The following PLEKHG4 variants were observed in gnomAD, a reference collection of about 807,000 sequenced individuals.
PLEKHG4 encodes the protein puratrophin-1.
Under a neutral mutation model 136.9 loss-of-function variants are expected in PLEKHG4, and 85 were observed. That is an observed-to-expected ratio of 0.62 (90% CI 0.52 to 0.74). The LOEUF is 0.74. PLEKHG4 is among the 30% of genes least tolerant of loss of function. The probability of loss-of-function intolerance (pLI) is 0.00; values close to 1 mark genes in which losing one functional copy is unlikely to be tolerated. For synonymous variants in PLEKHG4, 577 were observed against 646.9 expected (o/e 0.89, Z 1.64); for missense variants, 1,317 against 1,527.8 (o/e 0.86, Z 2.30).
intron 5 of PLEKHG4, 70 bp from the exon 6 acceptor site, chr16:67,281,497 A>G (rs2036223693): frequency 2.9e-6 from 4 of 1,359,632 alleles, no homozygotes; most frequent in African/African-American, 2.9e-5. Flanking sequence ...GAGTGCCGCA[A>G]TTACAGGCGT....
In PLEKHG4 at chr16:67,280,622, T is replaced by C. The variant is rs762181049; in HGVS notation, c.499+79T>C. The C allele has an allele frequency of 6.2e-7, 1 of 1,611,682 alleles. No individual in the cohort carries two copies. The highest frequency in any genetic ancestry group is 8.5e-7 in the Non-Finnish European group (1 of 1,178,266). On this transcript the variant is annotated intron_variant, in intron 2 of 21. Coordinates refer to ENST00000379344, the MANE Select transcript of PLEKHG4 (RefSeq NM_001129729.3). The surrounding 1 kb of genome is among the most constrained non-coding windows in gnomAD (Gnocchi z 4.4). ...GATGAGTGTCAAGACTTTGGAGGTC[T>C]CTGACCCTACTCAGGCTGAAGCCCG...
chr16:67,287,758 T>C, intron 18 of PLEKHG4, 140 bp from the exon 19 acceptor site: 1 of 723,130 alleles, frequency 1.4e-6, no homozygotes, highest in Non-Finnish European at 2.6e-6. Context: ...GGAGAGCACC[T>C]GGCACTAGAA....
chr16:67,284,064 C>T lies in PLEKHG4; in HGVS notation c.1510-211C>T, dbSNP rs1483176548. The stretch of plus-strand genomic sequence containing the variant: ...AGCTGGAGAGGGCTGGTGCGGAGGG[C>T]GAGACGAGACGGTGAGGACAGATGA... On this transcript the variant is annotated intron_variant, in intron 11 of 21. Coordinates refer to ENST00000379344, the MANE Select transcript of PLEKHG4 (RefSeq NM_001129729.3). This position sits in a 1 kb window ranked among gnomAD's most constrained non-coding sequence, Gnocchi z 4.4. Among the ~76,000 whole-genome samples the T allele has an allele frequency of 1.3e-5, 2 of 151,754 alleles. No individual in the cohort carries two copies. The highest frequency in any genetic ancestry group is 4.8e-5 in the African/African-American group (2 of 41,288).
Position 67,286,505 on chromosome 16 carries a change from C to T in PLEKHG4, c.2593C>T (p.Gln865Ter). ...GGCCTCCTACCTGCTAAAGCCCATC[C>T]AGCGCATGGGCAAGTACGCACTGCT... Reference protein sequence around the residue: ...DLASYLLKPIQRMGKYALLLQ... With the variant: ...DLASYLLKPI The change falls in exon 16 of 22, where the codon CAG becomes TAG. Residue 865 changes from glutamine (Q) to a stop codon, truncating the protein, a stop_gained. Transcript: ENST00000379344. LOFTEE classifies it high-confidence loss of function. 1 of 1,598,470 alleles carries T rather than the reference C, an allele frequency of 6.3e-7. No homozygotes were observed. Among genetic ancestry groups the T allele is most frequent in the Non-Finnish European group, 8.5e-7 (1 of 1,171,260 alleles).
chr16:67,286,240 C>G, intron 14 of PLEKHG4, 34 bp from the exon 15 acceptor site: 1 of 1,529,826 alleles, frequency 6.5e-7, no homozygotes, highest in East Asian at 2.2e-5. Flanking sequence ...GAGCTGGCCC[C>G]TTTGCACTGG....
At position 67,288,928 on chromosome 16, in the gene PLEKHG4, A is replaced by G. The variant is rs749456843; in HGVS notation, c.*120A>G. 3.1e-5 allele frequency: 33 copies of G among 1,074,194 alleles called. No homozygotes were observed. The highest frequency in any genetic ancestry group is 4.5e-5 in the Non-Finnish European group (32 of 709,760). 66.5% of individuals were successfully genotyped at this position (1,074,194 alleles called of 1,614,324 possible). On this transcript the variant is annotated 3_prime_UTR_variant, in exon 22 of 22. Coordinates refer to ENST00000379344, the MANE Select transcript of PLEKHG4 (RefSeq NM_001129729.3). ...GGGCTACCTCCAACCTACATGTGCA[A>G]CGCTGTTGACTACCCTTTCTGATGT...
rs151151438 is a variant in PLEKHG4 at position 67,282,787 on chromosome 16, G to A, written c.1438G>A (p.Ala480Thr). 1.2e-6 allele frequency: 2 copies of A among 1,613,478 alleles called. No homozygotes were observed. The highest frequency in any genetic ancestry group is 1.7e-5 in the Admixed American group (1 of 60,028). The change falls in exon 11 of 22, where the codon GCT (alanine) becomes ACT (threonine). Residue 480 changes from alanine to threonine, a missense_variant. Transcript: ENST00000379344. ...QQVGWPALEE[A>T]GEPSLDMLLQ... ...GGTGGGCTGGCCAGCACTGGAGGAG[G>A]CTGGGGAGCCCTCGCTGGACATGCT...
chr16:67,285,051 C>T lies in PLEKHG4; in HGVS notation c.2031C>T (p.Ser677=). The T allele has an allele frequency of 1.9e-6, 3 of 1,613,600 alleles. No homozygotes were observed. The highest frequency in any genetic ancestry group is 2.5e-6 in the Non-Finnish European group (3 of 1,180,018). ...PAHPPLRKAY[S]FDRNLGQSLS... ...ACCCTCCCCTGAGGAAGGCCTACAG[C>T]TTCGATCGGAATCTGGGGCAGAGTC... is the stretch of plus-strand genomic sequence containing the variant. Residue 677 remains serine, a synonymous_variant, in exon 13 of 22, where the codon AGC becomes AGT. Transcript: ENST00000379344.
At chr16:67,287,861 T>G in intron 18 of PLEKHG4, 37 bp from the exon 19 acceptor site, 2 of 1,373,622 alleles carry the variant, frequency 1.5e-6, no homozygotes, top group Non-Finnish European at 2.1e-6. Context: ...CAGGCTTATG[T>G]CCAGAAGCAT....
At position 67,282,801 on chromosome 16, in the gene PLEKHG4, G is replaced by A. The variant is rs757524295; in HGVS notation, c.1452G>A (p.Ser484=). The change falls in exon 11 of 22, where the codon TCG becomes TCA. Residue 484 remains serine, a synonymous_variant. Coordinates refer to ENST00000379344, the MANE Select transcript of PLEKHG4 (RefSeq NM_001129729.3). Reference sequence around the variant, plus strand: ...CACTGGAGGAGGCTGGGGAGCCCTCGCTGGACATGCTGCTCCAGGCCCAAG... The same window carrying A: ...CACTGGAGGAGGCTGGGGAGCCCTCACTGGACATGCTGCTCCAGGCCCAAG... ...WPALEEAGEP[S]LDMLLQAQGS... is the part of the protein sequence containing the mutation. The A allele has an allele frequency of 1.5e-5, 25 of 1,613,288 alleles. No individual in the cohort carries two copies. Among genetic ancestry groups the A allele is most frequent in the Middle Eastern group, 1.6e-4 (1 of 6,082 alleles).
chr16:67,284,613 G>T lies in PLEKHG4; in HGVS notation c.1693-100G>T. On this transcript the variant is annotated intron_variant, in intron 12 of 21. Transcript: ENST00000379344. This position sits in a 1 kb window ranked among gnomAD's most constrained non-coding sequence, Gnocchi z 4.4. ...AACCCAGTCACTGGGGCTGTGTCCT[G>T]GACAGCATCCTGTGGGGATGGGGAG... 6.6e-7 allele frequency: 1 copy of T among 1,512,382 alleles called. No individual in the cohort carries two copies. The allele number at this position is 1,512,382 out of a possible 1,614,324, so 93.7% of individuals were successfully genotyped here.
At chr16:67,281,214 C>T (rs1305322416) in intron 5 of PLEKHG4, 30 bp downstream of exon 5, 18 of 1,417,542 alleles carry the variant, frequency 1.3e-5, no homozygotes, top group Admixed American at 1.7e-5. Context: ...TCCCCTCATT[C>T]CTTTTCTTTT....
intron 18 of PLEKHG4, chr16:67,287,574 T>A: frequency 4.1e-6 from 2 of 484,494 alleles, no homozygotes; most frequent in South Asian, 4.2e-5. Context: ...TTGTAAAATT[T>A]TTTCATAGAG....
In PLEKHG4 at chr16:67,280,083, C is replaced by G; in HGVS notation, c.39C>G (p.Asp13Glu). Residue 13 changes from aspartate (D) to glutamate (E), a missense_variant, in exon 2 of 22, where the codon GAC (aspartate) becomes GAG (glutamate). Transcript: ENST00000379344. This position sits in a 1 kb window ranked among gnomAD's most constrained non-coding sequence, Gnocchi z 4.4. Reference protein sequence around the residue: ...RPLENGDESPDSQGHATDWRF... With the variant: ...RPLENGDESPESQGHATDWRF... The stretch of plus-strand genomic sequence containing the variant: ...TGGAGAATGGGGATGAGTCCCCAGA[C>G]TCTCAGGGCCATGCCACCGACTGGA... 6.2e-7 allele frequency: 1 copy of G among 1,613,758 alleles called. No homozygotes were observed. The highest frequency in any genetic ancestry group is 8.5e-7 in the Non-Finnish European group (1 of 1,179,918).
In PLEKHG4 at chr16:67,288,217, C is replaced by T. The variant is rs1170483707; in HGVS notation, c.3271C>T (p.Leu1091Phe). Residue 1091 changes from leucine (L) to phenylalanine (F), a missense_variant, in exon 20 of 22, where the codon CTC becomes TTC. Physicochemically the swap from Leu to Phe is conservative, Grantham distance 22. Coordinates refer to ENST00000379344, the MANE Select transcript of PLEKHG4 (RefSeq NM_001129729.3). Reference protein sequence around the residue: ...IAVAPFDHDSLYLGASNSLPG... With the variant: ...IAVAPFDHDSFYLGASNSLPG... ...CGTAGCCCCGTTTGACCATGACAGC[C>T]TCTACCTGGGGGCCTCGAACTCCCT... 1.9e-6 allele frequency: 3 copies of T among 1,614,064 alleles called. No homozygotes were observed. The highest frequency in any genetic ancestry group is 1.3e-5 in the African/African-American group (1 of 75,032).
In PLEKHG4 at chr16:67,284,233, C is replaced by T. The variant is rs765585914; in HGVS notation, c.1510-42C>T. The T allele has an allele frequency of 1.6e-5, 26 of 1,584,106 alleles. No homozygotes were observed. Among genetic ancestry groups the T allele is most frequent in the East Asian group, 9.0e-5 (4 of 44,552 alleles). ...AAGTATCTGAGTCTGGGGGCTAGAC[C>T]GCCAGGCCTGGGCTGGCTGAGCCTA... On this transcript the variant is annotated intron_variant, in intron 11 of 21. Transcript: ENST00000379344. This position sits in a 1 kb window ranked among gnomAD's most constrained non-coding sequence, Gnocchi z 4.4.
At chr16:67,283,705 G>A (rs1299703580) in intron 11 of PLEKHG4, among the ~76,000 whole-genome samples, 1 of 152,178 alleles carries the variant, frequency 6.6e-6, no homozygotes, top group East Asian at 1.9e-4. Context: ...TGCTCGAGAT[G>A]GCTGTGAGGG....
Position 67,284,162 on chromosome 16 carries a change from C to T in PLEKHG4, c.1510-113C>T, listed in dbSNP as rs552924541. 134 of 871,866 alleles carry T rather than the reference C, an allele frequency of 1.5e-4. 1 individual carries two copies. In the East Asian group the frequency reaches 3.4e-3, roughly 22 times the overall value. The allele number at this position is 871,866 out of a possible 1,614,324, so 54.0% of individuals were successfully genotyped here. On this transcript the variant is annotated intron_variant, in intron 11 of 21. Transcript: ENST00000379344. The surrounding 1 kb of genome is among the most constrained non-coding windows in gnomAD (Gnocchi z 4.4). The stretch of plus-strand genomic sequence containing the variant: ...GGAGTAGGAGATACGGGTAGATGTT[C>T]CACCACAGGACAGACTTGATGGGGA...
Position 67,288,853 on chromosome 16 carries a change from A to C in PLEKHG4, c.*45A>C. ...GTAGATCCAGCAGCCTGCAGCTCCA[A>C]GGAACATTGCCTCTCTGGATCTGCT... On this transcript the variant is annotated 3_prime_UTR_variant, in exon 22 of 22. Coordinates refer to ENST00000379344, the MANE Select transcript of PLEKHG4 (RefSeq NM_001129729.3). 6.2e-7 allele frequency: 1 copy of C among 1,608,660 alleles called. No individual in the cohort carries two copies. Among genetic ancestry groups the C allele is most frequent in the Non-Finnish European group, 8.5e-7 (1 of 1,176,848 alleles).
Sources: gnomAD v4.1 joint callset for allele counts (sites outside exome capture counted in the v4.1 genomes callset) on GRCh38, gnomAD v4.1.1 for gene constraint, Gnocchi (gnomAD v3.1) non-coding constraint, MANE v1.5 for transcripts, NCBI Gene and HGNC (gene_info 2026-07-23, HGNC 2026-07-21) for gene names.